MARCHF8: variants seen among roughly 807,000 people sequenced by gnomAD.
The protein encoded by MARCHF8 is membrane associated ring-CH-type finger 8, also known as E3 ubiquitin-protein ligase MARCHF8.
A neutral mutation model predicts 51.6 loss-of-function variants in MARCHF8; 40 were observed. That is an observed-to-expected ratio of 0.77 (90% CI 0.60 to 1.01). The LOEUF (loss-of-function observed/expected upper bound fraction) is 1.01, where lower values mean the gene tolerates loss of function less well. Among genes scored for constraint, MARCHF8 ranks in the 50% least tolerant of loss-of-function variants. MARCHF8 has a pLI of 0.00. For synonymous variants in MARCHF8, 263 were observed against 280.3 expected (o/e 0.94, Z 0.62); for missense variants, 685 against 708.6 (o/e 0.97, Z 0.38).
chr10:45,486,656 C>A (rs1198540956), intron 3 of MARCHF8, among the ~76,000 whole-genome samples: 1 of 152,128 alleles, frequency 6.6e-6, no homozygotes, highest in Non-Finnish European at 1.5e-5. Context: ...ACTGTCCTGG[C>A]CCAATCAACC....
chr10:45,532,082 T>C (rs2043896724), intron 2 of MARCHF8, among the ~76,000 whole-genome samples: 1 of 152,208 alleles, frequency 6.6e-6, no homozygotes, highest in South Asian at 2.1e-4. Context: ...CACCCTGAAC[T>C]GTCAGGCTGC....
chr10:45,574,838 A>G (rs1222973192), intron 1 of MARCHF8, among the ~76,000 whole-genome samples: 2 of 151,800 alleles, frequency 1.3e-5, no homozygotes, highest in Admixed American at 1.3e-4. Flanking sequence ...TGCCCACCCC[A>G]CTACCTCTCA....
intron 1 of MARCHF8, among the ~76,000 whole-genome samples, chr10:45,554,584 T>C (rs1207529841): frequency 7.2e-5 from 11 of 152,234 alleles, no homozygotes; most frequent in African/African-American, 2.6e-4. Flanking sequence ...CATGCCAAAA[T>C]GACCCAGGAG....
chr10:45,470,981 T>G (rs1281086458), intron 3 of MARCHF8, among the ~76,000 whole-genome samples: 1 of 152,252 alleles, frequency 6.6e-6, no homozygotes, highest in African/African-American at 2.4e-5. Context: ...GTGGCTTTTC[T>G]GTGGCTTGCT....
chr10:45,495,980 T>C (rs1004610356), intron 2 of MARCHF8, among the ~76,000 whole-genome samples: 5 of 151,996 alleles, frequency 3.3e-5, no homozygotes, highest in African/African-American at 1.2e-4. Flanking sequence ...GATTAACAGC[T>C]GACTTATCCT....
upstream of MARCHF8, among the ~76,000 whole-genome samples, chr10:45,535,578 C>CTA (rs1194437718): frequency 1.3e-5 from 2 of 152,128 alleles, no homozygotes; most frequent in Non-Finnish European, 2.9e-5. Flanking sequence ...AGCAACAGAC[C>CTA]TATAAGTTTG....
At chr10:45,461,021 A>G (rs1027395411) in intron 6 of MARCHF8, 12 of 416,890 alleles carry the variant, frequency 2.9e-5, no homozygotes, top group Non-Finnish European at 4.2e-5. Context: ...GAAAAGAAGG[A>G]TTATGAATGG....
intron 2 of MARCHF8, among the ~76,000 whole-genome samples, chr10:45,517,666 G>A (rs1369935165): frequency 6.6e-6 from 1 of 152,158 alleles, no homozygotes; most frequent in Non-Finnish European, 1.5e-5. Flanking sequence ...ACCTCTTTAT[G>A]AATTACTCAG....
At chr10:45,574,615 T>C (rs2044468691) in intron 1 of MARCHF8, among the ~76,000 whole-genome samples, 1 of 152,178 alleles carries the variant, frequency 6.6e-6, no homozygotes, top group South Asian at 2.1e-4. Context: ...CCAGTGTTCT[T>C]ACACAAGAGC....
chr10:45,533,470 T>A (rs1325381461), intron 1 of MARCHF8, among the ~76,000 whole-genome samples, 181 bp from the exon 2 acceptor site: 2 of 152,228 alleles, frequency 1.3e-5, no homozygotes, highest in African/African-American at 4.8e-5. Context: ...CTAACATTTC[T>A]CATAATAAGA....
At chr10:45,576,404 C>A (rs1036734173) in intron 1 of MARCHF8, among the ~76,000 whole-genome samples, 1 of 152,058 alleles carries the variant, frequency 6.6e-6, no homozygotes, top group Non-Finnish European at 1.5e-5. Flanking sequence ...TATAAAACTT[C>A]TAGAAATAAA....
At chr10:45,467,848 G>A (rs1338583440) in intron 3 of MARCHF8, among the ~76,000 whole-genome samples, 1 of 152,160 alleles carries the variant, frequency 6.6e-6, no homozygotes, top group Non-Finnish European at 1.5e-5. Flanking sequence ...TAATAAAAGT[G>A]CAAATGTTCA....
chr10:45,562,370 T>C (rs2044320217), intron 1 of MARCHF8, among the ~76,000 whole-genome samples: 1 of 151,800 alleles, frequency 6.6e-6, no homozygotes, highest in African/African-American at 2.4e-5. Context: ...AATCGCAAAA[T>C]AAAGCCAAAG....
Position 45,550,619 on chromosome 10 carries a change from C to G in MARCHF8, c.-78-17330G>C, listed in dbSNP as rs769378253. Among the ~76,000 whole-genome samples the G allele has an allele frequency of 6.6e-5, 10 of 152,244 alleles. 2 individuals are homozygous for G. In the South Asian group the frequency reaches 1.0e-3, roughly 16 times the overall value. ...ATTTGCCTCACTACTCACCTTACCC[C>G]CTGACCATCCGAGATATGTCTGCCC... is the stretch of plus-strand genomic sequence containing the variant. On this transcript the variant is annotated intron_variant, in intron 1 of 6. Coordinates refer to the MARCHF8 transcript ENST00000319836.
chr10:45,550,494 G>A (rs1163820145), intron 1 of MARCHF8, among the ~76,000 whole-genome samples: 1 of 152,150 alleles, frequency 6.6e-6, no homozygotes, highest in Non-Finnish European at 1.5e-5. Flanking sequence ...CAGCATGTAA[G>A]GACAGTGGCA....
In MARCHF8 at chr10:45,533,134, G is replaced by A. The variant is rs1409680551; in HGVS notation, c.78C>T (p.Thr26=). Residue 26 remains threonine (T), a synonymous_variant, in exon 2 of 8, where the codon ACC becomes ACT. Coordinates refer to ENST00000453424, the MANE Select transcript of MARCHF8 (RefSeq NM_001282866.2). The part of the protein sequence containing the change: ...AISARVYRSK[T]KEKEREEQNE... The stretch of plus-strand genomic sequence containing the variant: ...CCTGTTCTTCCCTCTCCTTTTCTTT[G>A]GTCTTACTTCTGTAGACTCTAGCAG... The A allele has an allele frequency of 1.2e-6, 2 of 1,609,834 alleles. No individual in the cohort carries two copies. The highest frequency in any genetic ancestry group is 2.2e-5 in the East Asian group (1 of 44,702).
chr10:45,464,272 G>T lies in MARCHF8; in HGVS notation c.209C>A (p.Thr70Asn), dbSNP rs1842894833. The T allele has an allele frequency of 3.7e-6, 6 of 1,614,092 alleles. No individual in the cohort carries two copies. Among genetic ancestry groups the T allele is most frequent in the Admixed American group, 1.7e-5 (1 of 60,010 alleles). Residue 70 changes from threonine to asparagine, a missense_variant, in exon 4 of 8, where the codon ACT (threonine) becomes AAT (asparagine). Thr to Asn is a moderately conservative substitution (Grantham distance 65, BLOSUM62 0). Transcript: ENST00000453424. ...APAPVSSFSRTSITPSSQDIC... is the reference protein window; with the variant it reads ...APAPVSSFSRNSITPSSQDIC... ...GTCCTGGCTGGATGGCGTGATAGAA[G>T]TGCGAGAGAAGGAGGACACCGGAGC...
chr10:45,483,813 T>C (rs1388159302), intron 3 of MARCHF8, among the ~76,000 whole-genome samples: 2 of 149,866 alleles, frequency 1.3e-5, no homozygotes, highest in African/African-American at 2.5e-5. Context: ...AAATATTACA[T>C]GTTCTCACTC....
At chr10:45,546,184 AGGGTCTC>A (rs1589166608) in intron 1 of MARCHF8, among the ~76,000 whole-genome samples, 2 of 144,530 alleles carry the variant, frequency 1.4e-5, no homozygotes, top group East Asian at 4.0e-4. Context: ...ATTTTGAGAC[AGGGTCTC>A]GCTCTGTTGC....
Sources: allele counts gnomAD v4.1 joint callset (sites outside exome capture counted in the v4.1 genomes callset), GRCh38; gene constraint gnomAD v4.1.1; transcripts MANE v1.5; gene names NCBI Gene and HGNC (gene_info 2026-07-23, HGNC 2026-07-21).